The following CGGBP1 variants were observed in gnomAD, a reference collection of about 807,000 sequenced individuals.
The protein encoded by CGGBP1 is CGG triplet repeat-binding protein 1.
In CGGBP1, 4 loss-of-function variants were observed where a neutral mutation model predicts 11.4. The observed-to-expected ratio is 0.35, with a 90% CI of 0.17 to 0.80. The LOEUF (loss-of-function observed/expected upper bound fraction) is 0.80, where lower values mean the gene tolerates loss of function less well. Among genes scored for constraint, CGGBP1 ranks in the 30% least tolerant of loss-of-function variants. CGGBP1 has a pLI of 0.52. For synonymous variants in CGGBP1, 76 were observed against 74.1 expected (o/e 1.03, Z -0.13); for missense variants, 135 against 202.1 (o/e 0.67, Z 2.01).
At chr3:88,108,767 C>T (rs1310334491) in intron 2 of CGGBP1, among the ~76,000 whole-genome samples, 2 of 151,588 alleles carry the variant, frequency 1.3e-5, no homozygotes, top group Non-Finnish European at 2.9e-5. Flanking sequence ...GCCAGTAATT[C>T]ATATATGCCA....
chr3:88,076,243 A>G (rs752061773), intron 2 of CGGBP1, among the ~76,000 whole-genome samples: 44 of 152,192 alleles, frequency 2.9e-4, no homozygotes, highest in Non-Finnish European at 4.9e-4. Flanking sequence ...AGCTTTTGCC[A>G]TATTGCCATA....
At chr3:88,087,136 T>C (rs141730775) in intron 2 of CGGBP1, among the ~76,000 whole-genome samples, 2,008 of 151,778 alleles carry the variant, frequency 0.013, 37 homozygotes, top group African/African-American at 0.045. Context: ...CGGAGTGCAG[T>C]GGTGTGATCT....
At chr3:88,108,776 CA>C (rs1704901996) in intron 2 of CGGBP1, among the ~76,000 whole-genome samples, 1 of 151,304 alleles carries the variant, frequency 6.6e-6, no homozygotes, top group Non-Finnish European at 1.5e-5. Flanking sequence ...TCATATATGC[CA>C]AAGAAAAGCT....
intron 2 of CGGBP1, among the ~76,000 whole-genome samples, chr3:88,093,659 T>A (rs1033638775): frequency 8.5e-5 from 13 of 152,244 alleles, no homozygotes; most frequent in African/African-American, 3.1e-4. Flanking sequence ...TAATGTTAGA[T>A]CACTGATCCT....
Position 88,118,456 on chromosome 3 carries a change from T to C in CGGBP1, c.-229+22514A>G, listed in dbSNP as rs1177559274. On this transcript the variant is annotated intron_variant, in intron 2 of 3. Coordinates refer to the CGGBP1 transcript ENST00000462901. Reference sequence around the variant, plus strand: ...CCCTCCTTTGTGGGGCAAGTGTTGATCTCCCCTAAGAAATGAGTGTATAGT... The same window carrying C: ...CCCTCCTTTGTGGGGCAAGTGTTGACCTCCCCTAAGAAATGAGTGTATAGT... Among the ~76,000 whole-genome samples, 3 of 152,242 alleles carry C rather than the reference T, an allele frequency of 2.0e-5. No individual in the cohort carries two copies. In the East Asian group the frequency reaches 5.8e-4, roughly 29 times the overall value.
Position 88,055,748 on chromosome 3 carries a change from G to C in CGGBP1, c.229C>G (p.Gln77Glu). ...GGCCTCTGCTTCTTTCTCACATTCT[G>C]CTCTTCAAATTCTGCCTTCCTCTTG... ...HTKRKAEFEEQNVRKKQRPLT... is the reference protein window; with the variant it reads ...HTKRKAEFEEENVRKKQRPLT... The change falls in exon 4 of 4, where the codon CAG (glutamine) becomes GAG (glutamate). Residue 77 changes from glutamine to glutamate, a missense_variant. Coordinates refer to ENST00000482016, the MANE Select transcript of CGGBP1 (RefSeq NM_001008390.2). This position sits in a 1 kb window ranked among gnomAD's most constrained non-coding sequence, Gnocchi z 4.2. The C allele has an allele frequency of 6.2e-7, 1 of 1,614,174 alleles. No homozygotes were observed. Among genetic ancestry groups the C allele is most frequent in the South Asian group, 1.1e-5 (1 of 91,084 alleles).
chr3:88,069,084 A>G lies in CGGBP1; in HGVS notation c.-228-10861T>C, dbSNP rs571792128. Among the ~76,000 whole-genome samples, 3 of 152,322 alleles carry G rather than the reference A, an allele frequency of 2.0e-5. No individual in the cohort carries two copies. In the East Asian group the frequency reaches 5.8e-4, roughly 29 times the overall value. Reference sequence around the variant, plus strand: ...CTAAAGATGTTCATAAATGTGAAACAGAAGAAAAAAATCAAATTCAATCTA... The same window carrying G: ...CTAAAGATGTTCATAAATGTGAAACGGAAGAAAAAAATCAAATTCAATCTA... On this transcript the variant is annotated intron_variant, in intron 2 of 3. Coordinates refer to the CGGBP1 transcript ENST00000462901.
chr3:88,125,586 G>T (rs1041505538), intron 2 of CGGBP1, among the ~76,000 whole-genome samples: 3 of 151,982 alleles, frequency 2.0e-5, no homozygotes, highest in African/African-American at 7.3e-5. Flanking sequence ...TCCCAGAACT[G>T]CAAATCTAAT....
At chr3:88,062,813 G>A (rs1706962409), upstream of CGGBP1, among the ~76,000 whole-genome samples, 1 of 152,152 alleles carries the variant, frequency 6.6e-6, no homozygotes, top group Non-Finnish European at 1.5e-5. Flanking sequence ...AGAATATAAT[G>A]TACTTAGTAT....
chr3:88,135,464 T>A, intron 2 of CGGBP1: 1 of 241,826 alleles, frequency 4.1e-6, no homozygotes, highest in Non-Finnish European at 7.9e-6. Context: ...TTTGTTACTT[T>A]CAATATTATC....
intron 2 of CGGBP1, among the ~76,000 whole-genome samples, chr3:88,103,889 C>T (rs1170367242): frequency 1.3e-5 from 2 of 151,514 alleles, no homozygotes; most frequent in East Asian, 3.9e-4. Flanking sequence ...GCCTCAGTCT[C>T]CCAAGTAGCT....
chr3:88,095,323 T>A, intron 2 of CGGBP1: 1 of 253,204 alleles, frequency 3.9e-6, no homozygotes, highest in Non-Finnish European at 7.6e-6. Flanking sequence ...AGGATATGTT[T>A]AGGATAGAAA....
At chr3:88,130,235 C>T (rs1464134860) in intron 2 of CGGBP1, among the ~76,000 whole-genome samples, 1 of 152,022 alleles carries the variant, frequency 6.6e-6, no homozygotes, top group Non-Finnish European at 1.5e-5. Flanking sequence ...TTTCTGTTTC[C>T]TCAGCTCCAG....
chr3:88,124,322 G>A (rs1705955098), intron 2 of CGGBP1, among the ~76,000 whole-genome samples: 1 of 152,140 alleles, frequency 6.6e-6, no homozygotes, highest in Non-Finnish European at 1.5e-5. Flanking sequence ...ATTGTTGGTA[G>A]GATTTTTGTT....
chr3:88,140,988 G>A (rs943948765), exon 2 of CGGBP1: 2 of 1,612,902 alleles, frequency 1.2e-6, no homozygotes, highest in African/African-American at 2.7e-5. Flanking sequence ...AGAAGCACTT[G>A]AGGCTCATCT....
chr3:88,081,915 A>G (rs571960262), intron 2 of CGGBP1, among the ~76,000 whole-genome samples: 5 of 152,204 alleles, frequency 3.3e-5, no homozygotes, highest in Non-Finnish European at 5.9e-5. Flanking sequence ...ATATACAACT[A>G]CGTTACAAAT....
chr3:88,083,947 A>ATATATATATATATATATATG (rs1708213079), intron 2 of CGGBP1, among the ~76,000 whole-genome samples: 2 of 4,818 alleles, frequency 4.2e-4, no homozygotes, highest in Non-Finnish European at 2.7e-3. Flanking sequence ...TATTTTATAT[A>ATATATATATATATATATATG]TATATATATA....
intron 2 of CGGBP1, among the ~76,000 whole-genome samples, chr3:88,071,518 C>T (rs1201149314): frequency 1.3e-5 from 2 of 152,138 alleles, no homozygotes; most frequent in African/African-American, 2.4e-5. Context: ...CGGTAGCGGG[C>T]GCCTGTAGTC....
rs540768054 is a variant in CGGBP1 at position 88,125,324 on chromosome 3, G to T, written c.-229+15646C>A. Among the ~76,000 whole-genome samples, 92 of 151,946 alleles carry T rather than the reference G, an allele frequency of 6.1e-4. 1 individual carries two copies. Among genetic ancestry groups the T allele is most frequent in the African/African-American group, 2.2e-3 (90 of 41,454 alleles). ...TCTTATAAATCTAGATCTAATAAAT[G>T]AGATTTATATATTCAGTAAACTAAG... On this transcript the variant is annotated intron_variant, in intron 2 of 3. Coordinates refer to the CGGBP1 transcript ENST00000462901.
Sources: gnomAD v4.1 joint callset for allele counts (sites outside exome capture counted in the v4.1 genomes callset) on GRCh38, gnomAD v4.1.1 for gene constraint, Gnocchi (gnomAD v3.1) non-coding constraint, MANE v1.5 for transcripts, NCBI Gene and HGNC (gene_info 2026-07-23, HGNC 2026-07-21) for gene names.